Variants in EPHA3 observed in about 807,000 individuals in gnomAD.
The protein encoded by EPHA3 is EPH receptor A3, also known as ephrin type-A receptor 3.
In EPHA3, 42 loss-of-function variants were observed where a neutral mutation model predicts 107.1. The ratio of observed to expected loss-of-function variants is 0.39; its 90% CI spans 0.31 to 0.51. EPHA3 has a LOEUF of 0.51. Among genes scored for constraint, EPHA3 ranks in the 20% least tolerant of loss-of-function variants. The pLI is 0.78. For synonymous variants in EPHA3, 461 were observed against 424.8 expected (o/e 1.09, Z -1.05); for missense variants, 1,183 against 1,211.2 (o/e 0.98, Z 0.35).
At chr3:89,215,467 T>A (rs931283310) in intron 3 of EPHA3, among the ~76,000 whole-genome samples, 8 of 151,838 alleles carry the variant, frequency 5.3e-5, no homozygotes, top group Non-Finnish European at 8.9e-5. Flanking sequence ...TTTAGGAAAA[T>A]AGAAATGTGA....
At chr3:89,291,761 A>G (rs1486756143) in intron 3 of EPHA3, among the ~76,000 whole-genome samples, 2 of 152,204 alleles carry the variant, frequency 1.3e-5, no homozygotes, top group African/African-American at 4.8e-5. Flanking sequence ...TTTAAAGATC[A>G]GAACTGTTAC....
intron 3 of EPHA3, among the ~76,000 whole-genome samples, chr3:89,220,841 A>G (rs1054529357): frequency 2.0e-5 from 3 of 152,330 alleles, no homozygotes; most frequent in Admixed American, 2.0e-4. Flanking sequence ...TTTGACAATT[A>G]GAGTGGCTCT....
rs551816700 is a variant in EPHA3, at chr3:89,467,248, T to C, written c.2691-5216T>C. Among the ~76,000 whole-genome samples the C allele has an allele frequency of 1.5e-4, 23 of 152,292 alleles. No individual in the cohort carries two copies. In the South Asian group the frequency reaches 4.6e-3, roughly 30 times the overall value. On this transcript the variant is annotated intron_variant, in intron 15 of 16. Transcript: ENST00000336596. ...TATAAAATGTACGGAAAAAATATAT[T>C]ACTATTCTCAAACAATAATAAATTC... is the stretch of plus-strand genomic sequence containing the variant.
intron 1 of EPHA3, among the ~76,000 whole-genome samples, chr3:89,125,312 A>G (rs1162838200): frequency 2.0e-5 from 3 of 151,826 alleles, no homozygotes. Context: ...GAGAAATTAA[A>G]TGATTGGTAT....
intron 3 of EPHA3, among the ~76,000 whole-genome samples, chr3:89,226,326 T>C (rs1432671443): frequency 6.6e-6 from 1 of 152,254 alleles, no homozygotes; most frequent in East Asian, 1.9e-4. Flanking sequence ...TTTTAAAATG[T>C]TCAACACAGG....
chr3:89,407,343 A>G lies in EPHA3; in HGVS notation c.1669A>G (p.Thr557Ala). ...AGCGGCAGTAGCAATTATTCTCCTCACTGTTGTCATCTATGTTTTGATTGG... is the reference window on the plus strand; with the variant it reads ...AGCGGCAGTAGCAATTATTCTCCTCGCTGTTGTCATCTATGTTTTGATTGG... ...ISAAVAIILL[T>A]VVIYVLIGRF... The change falls in exon 8 of 17, where the codon ACT becomes GCT. Residue 557 changes from threonine (T) to alanine (A), a missense_variant. Thr to Ala is a moderately conservative substitution (Grantham distance 58). Coordinates refer to ENST00000336596, the MANE Select transcript of EPHA3 (RefSeq NM_005233.6). 1 of 1,613,224 alleles carries G rather than the reference A, an allele frequency of 6.2e-7. No individual in the cohort carries two copies. Among genetic ancestry groups the G allele is most frequent in the Non-Finnish European group, 8.5e-7 (1 of 1,179,500 alleles).
At chr3:89,142,021 T>C (rs1384672195) in intron 2 of EPHA3, among the ~76,000 whole-genome samples, 1 of 151,420 alleles carries the variant, frequency 6.6e-6, no homozygotes, top group Non-Finnish European at 1.5e-5. Flanking sequence ...AGGTAGAGTA[T>C]ATATAGAAGC....
intron 15 of EPHA3, among the ~76,000 whole-genome samples, chr3:89,453,056 A>G (rs1273196268): frequency 6.6e-6 from 1 of 152,112 alleles, no homozygotes; most frequent in East Asian, 1.9e-4. Flanking sequence ...ATAAATATCT[A>G]TCCCAAACTT....
chr3:89,429,608 A>G lies in EPHA3; in HGVS notation c.2136+441A>G, dbSNP rs1341574698. ...TAAGCATGTGCTATAATGCTAAAGT[A>G]TATATAGTTTTAATTTAGATATATC... is the stretch of plus-strand genomic sequence containing the variant. On this transcript the variant is annotated intron_variant, in intron 12 of 16. Coordinates refer to ENST00000336596, the MANE Select transcript of EPHA3 (RefSeq NM_005233.6). 2.0e-5 allele frequency among the ~76,000 whole-genome samples: 3 copies of G among 152,256 alleles called. No homozygotes were observed. The East Asian group carries it at 5.8e-4, about 29-fold the overall frequency.
At chr3:89,126,976 A>G (rs1330004355) in intron 1 of EPHA3, among the ~76,000 whole-genome samples, 3 of 151,878 alleles carry the variant, frequency 2.0e-5, no homozygotes, top group African/African-American at 7.2e-5. Context: ...ACATTAACCT[A>G]TCCTTGTAAA....
intron 3 of EPHA3, among the ~76,000 whole-genome samples, chr3:89,219,689 T>TGTTTTTTTTTG (rs1265976438): frequency 0.11 from 1,868 of 16,490 alleles, 518 homozygotes; most frequent in Middle Eastern, 0.26. Flanking sequence ...TTTGGCAATG[T>TGTTTTTTTTTG]TTTTTTTTTT....
At chr3:89,230,946 T>A (rs1158490165) in intron 3 of EPHA3, among the ~76,000 whole-genome samples, 2 of 152,196 alleles carry the variant, frequency 1.3e-5, no homozygotes, top group African/African-American at 4.8e-5. Flanking sequence ...CATCATTGGC[T>A]TTCTCCATGG....
intron 1 of EPHA3, among the ~76,000 whole-genome samples, chr3:89,121,186 A>T (rs1246466233): frequency 3.9e-5 from 6 of 152,158 alleles, no homozygotes; most frequent in African/African-American, 1.4e-4. Context: ...CAGTGGGAGG[A>T]GATCGTGCCA....
chr3:89,396,778 A>G (rs1337544469), intron 6 of EPHA3, among the ~76,000 whole-genome samples: 3 of 152,222 alleles, frequency 2.0e-5, no homozygotes, highest in African/African-American at 4.8e-5. Context: ...AAAATGAATT[A>G]AATGCAAATT....
intron 5 of EPHA3, among the ~76,000 whole-genome samples, chr3:89,390,092 A>C (rs748374434): frequency 1.3e-5 from 2 of 152,084 alleles, no homozygotes; most frequent in African/African-American, 2.4e-5. Flanking sequence ...CCAGGATTCA[A>C]GTGATTCTCC....
chr3:89,117,447 A>G (rs1247352160), intron 1 of EPHA3, among the ~76,000 whole-genome samples: 1 of 152,106 alleles, frequency 6.6e-6, no homozygotes, highest in African/African-American at 2.4e-5. Flanking sequence ...TAGCTTTTAA[A>G]GGGATATATT....
intron 2 of EPHA3, among the ~76,000 whole-genome samples, chr3:89,156,416 C>G (rs562486428): frequency 1.3e-5 from 2 of 152,042 alleles, no homozygotes; most frequent in South Asian, 2.1e-4. Flanking sequence ...TTTTTAACTG[C>G]TCTGCAATAA....
rs527570376 is a variant in EPHA3, at chr3:89,178,690, AAAT to A, written c.154-31162_154-31160del. ...TCTGAATAATATAATGTATTAACTAAAATAATAATATTTTCAATACTGTTATAT... is the reference window on the plus strand; with the variant it reads ...TCTGAATAATATAATGTATTAACTAAAATAATATTTTCAATACTGTTATAT... On this transcript the variant is annotated intron_variant, in intron 2 of 16. Coordinates refer to ENST00000336596, the MANE Select transcript of EPHA3 (RefSeq NM_005233.6). Among the ~76,000 whole-genome samples the A allele has an allele frequency of 1.2e-3, 181 of 152,012 alleles. 1 individual carries two copies. The highest frequency in any genetic ancestry group is 4.6e-3 in the Admixed American group (70 of 15,258).
chr3:89,371,144 T>C (rs1198618962), intron 5 of EPHA3, among the ~76,000 whole-genome samples: 4 of 151,758 alleles, frequency 2.6e-5, no homozygotes, highest in Admixed American at 6.6e-5. Context: ...AAATTCTTTA[T>C]ATTAGTTATT....
Sources: gnomAD v4.1 joint callset for allele counts (sites outside exome capture counted in the v4.1 genomes callset) on GRCh38, gnomAD v4.1.1 for gene constraint, MANE v1.5 for transcripts, NCBI Gene and HGNC (gene_info 2026-07-23, HGNC 2026-07-21) for gene names.